The following CASP4 variants were observed in gnomAD, a reference collection of about 807,000 sequenced individuals.
CASP4 encodes caspase 4.
In CASP4, 29 loss-of-function variants were observed where a neutral mutation model predicts 41.3. The observed-to-expected ratio is 0.70, with a 90% CI of 0.52 to 0.96. CASP4 has a LOEUF of 0.96. Ranked by LOEUF, CASP4 falls within the 40% of genes least tolerant of loss-of-function variation. The pLI is 0.00. For synonymous variants in CASP4, 185 were observed against 158.4 expected, an observed-to-expected ratio of 1.17 and a Z score of -1.26; for missense variants, 447 against 460.6, an observed-to-expected ratio of 0.97 and a Z score of 0.27.
chr11:104,950,079 T>A (rs1176280575), intron 4 of CASP4, among the ~76,000 whole-genome samples: 1 of 152,184 alleles, frequency 6.6e-6, no homozygotes, highest in African/African-American at 2.4e-5. Flanking sequence ...TAGCAAGTCA[T>A]GTGTTATAAA....
intron 1 of CASP4, among the ~76,000 whole-genome samples, chr11:104,965,793 G>A (rs1256654250): frequency 2.6e-5 from 4 of 152,174 alleles, no homozygotes; most frequent in Non-Finnish European, 2.9e-5. Flanking sequence ...GAATTGGAAT[G>A]TCCCCATTGT....
At chr11:104,956,046 C>T (rs893543951) in intron 1 of CASP4, among the ~76,000 whole-genome samples, 1 of 151,764 alleles carries the variant, frequency 6.6e-6, no homozygotes, top group Non-Finnish European at 1.5e-5. Context: ...ACATTACAAA[C>T]CAGGAAAAAA....
At chr11:104,951,248 C>T in intron 3 of CASP4, 150 bp from the exon 4 acceptor site, 2 of 603,398 alleles carry the variant, frequency 3.3e-6, no homozygotes. Context: ...CTCTCAAGAA[C>T]CCAGGGAAAG....
At chr11:104,968,490 C>T in intron 1 of CASP4, 29 bp downstream of exon 1, 1 of 1,606,272 alleles carries the variant, frequency 6.2e-7, no homozygotes, top group Non-Finnish European at 8.5e-7. Context: ...AGTTCCTACT[C>T]CCAAACTCCT....
At chr11:104,956,396 A>C (rs1860737682) in intron 1 of CASP4, among the ~76,000 whole-genome samples, 1 of 152,094 alleles carries the variant, frequency 6.6e-6, no homozygotes, top group Non-Finnish European at 1.5e-5. Flanking sequence ...AGCCCTCATC[A>C]TGCCAAGTGC....
intron 5 of CASP4, 42 bp from the exon 6 acceptor site, chr11:104,948,718 C>G (rs758357050): frequency 6.6e-7 from 1 of 1,523,924 alleles, no homozygotes; most frequent in Non-Finnish European, 8.9e-7. Context: ...GTGCCTCCCA[C>G]AGAATGGCTG....
intron 1 of CASP4, among the ~76,000 whole-genome samples, chr11:104,966,458 T>A (rs560734081): frequency 6.6e-6 from 1 of 152,124 alleles, no homozygotes; most frequent in East Asian, 1.9e-4. Context: ...ATGAAAAATA[T>A]TATAAGAATG....
chr11:104,961,828 CTCT>C (rs1483385625), intron 1 of CASP4, among the ~76,000 whole-genome samples: 1 of 152,156 alleles, frequency 6.6e-6, no homozygotes, highest in Non-Finnish European at 1.5e-5. Flanking sequence ...ACTCAGAGGA[CTCT>C]TCTTATTTGG....
chr11:104,948,481 C>G (rs1860517089), intron 6 of CASP4, 52 bp downstream of exon 6: 1 of 1,490,068 alleles, frequency 6.7e-7, no homozygotes, highest in African/African-American at 1.4e-5. Flanking sequence ...TAGATTCATT[C>G]AAAGATGGCC....
chr11:104,965,908 T>G (rs951439113), intron 1 of CASP4, among the ~76,000 whole-genome samples: 6 of 152,112 alleles, frequency 3.9e-5, no homozygotes, highest in Non-Finnish European at 8.8e-5. Flanking sequence ...ACCAGTAATC[T>G]AACCCAACCA....
At chr11:104,952,149 T>G in intron 2 of CASP4, 144 bp from the exon 3 acceptor site, 1 of 584,428 alleles carries the variant, frequency 1.7e-6, no homozygotes, top group Non-Finnish European at 3.1e-6. Context: ...GTATTCTACA[T>G]CAGGAGATGT....
intron 1 of CASP4, among the ~76,000 whole-genome samples, chr11:104,967,608 A>G (rs1362869025): frequency 6.6e-6 from 1 of 152,204 alleles, no homozygotes; most frequent in African/African-American, 2.4e-5. Context: ...GAACAAACCT[A>G]TGTCAAGTCA....
intron 1 of CASP4, among the ~76,000 whole-genome samples, chr11:104,967,867 C>G (rs1861010386): frequency 6.6e-6 from 1 of 152,062 alleles, no homozygotes; most frequent in African/African-American, 2.4e-5. Flanking sequence ...AACTCTATCC[C>G]TTAGGCTTTT....
At position 104,944,841 on chromosome 11, in the gene CASP4, G is replaced by A; in HGVS notation, c.1046C>T (p.Ser349Leu). ...LEEVFRKVQQ[S>L]FETPRAKAQM... ...AGCTTTGGCCCTTGGAGTTTCAAAT[G>A]ATTGCTGTACCTGAAAAAGAAAATA... The change falls in exon 8 of 9, where the codon TCA becomes TTA. Residue 349 changes from serine (S) to leucine (L), a missense_variant. Transcript: ENST00000444739. The A allele has an allele frequency of 6.2e-7, 1 of 1,610,450 alleles. No individual in the cohort carries two copies. Among genetic ancestry groups the A allele is most frequent in the Non-Finnish European group, 8.5e-7 (1 of 1,176,820 alleles).
intron 1 of CASP4, among the ~76,000 whole-genome samples, chr11:104,960,348 G>C (rs1860830829): frequency 6.6e-6 from 1 of 152,108 alleles, no homozygotes; most frequent in African/African-American, 2.4e-5. Flanking sequence ...TATCAGATTA[G>C]ATGGTATTTT....
At chr11:104,955,594 T>A (rs943428199) in intron 1 of CASP4, among the ~76,000 whole-genome samples, 1 of 152,088 alleles carries the variant, frequency 6.6e-6, no homozygotes, top group Non-Finnish European at 1.5e-5. Context: ...GATGAGTGCA[T>A]CCATATTTAT....
At chr11:104,946,194 G>T (rs957971518) in intron 7 of CASP4, among the ~76,000 whole-genome samples, 1 of 151,944 alleles carries the variant, frequency 6.6e-6, no homozygotes, top group Non-Finnish European at 1.5e-5. Context: ...TTCTTTTCCC[G>T]CAGGAGTTTT....
chr11:104,946,712 T>C (rs1860469625), intron 7 of CASP4: 1 of 163,478 alleles, frequency 6.1e-6, no homozygotes, highest in Non-Finnish European at 1.3e-5. Flanking sequence ...TAGGATTACG[T>C]CATGTAGGCC....
chr11:104,944,344 G>GTCTCTCTCTCTCTCTCTCTC (rs71037288), intron 8 of CASP4: 1 of 141,968 alleles, frequency 7.0e-6, no homozygotes, highest in African/African-American at 2.7e-5. Flanking sequence ...GCTACTTAGT[G>GTCTCTCTCTCTCTCTCTCTC]TCTCTCTCTC....
Sources: allele counts gnomAD v4.1 joint callset (sites outside exome capture counted in the v4.1 genomes callset), GRCh38; gene constraint gnomAD v4.1.1; transcripts MANE v1.5; gene names NCBI Gene and HGNC (gene_info 2026-07-23, HGNC 2026-07-21).